The following MYO3B variants were observed in gnomAD, a reference collection of about 807,000 sequenced individuals.
The protein encoded by MYO3B is myosin-IIIb.
In MYO3B, 156 loss-of-function variants were observed where a neutral mutation model predicts 174.6. The observed-to-expected ratio is 0.89, with a 90% CI of 0.78 to 1.02. The LOEUF (loss-of-function observed/expected upper bound fraction) is 1.02, where lower values mean the gene tolerates loss of function less well. MYO3B is among the 50% of genes least tolerant of loss of function. The probability of loss-of-function intolerance (pLI) is 0.00; values close to 1 mark genes in which losing one functional copy is unlikely to be tolerated. For synonymous variants in MYO3B, 563 were observed against 569.1 expected, an observed-to-expected ratio of 0.99 and a Z score of 0.15; for missense variants, 1,632 against 1,639.4, an observed-to-expected ratio of 1.00 and a Z score of 0.08.
At chr2:170,578,731 C>A (rs971423758) in intron 32 of MYO3B, among the ~76,000 whole-genome samples, 2 of 152,224 alleles carry the variant, frequency 1.3e-5, no homozygotes, top group African/African-American at 2.4e-5. Flanking sequence ...GTGAAACTTG[C>A]TTTAACAAGT....
intron 25 of MYO3B, among the ~76,000 whole-genome samples, chr2:170,486,078 G>A (rs868115588): frequency 6.6e-6 from 1 of 152,096 alleles, no homozygotes; most frequent in Non-Finnish European, 1.5e-5. Flanking sequence ...AGCTGCTGAT[G>A]AGGACACTAC....
intron 25 of MYO3B, among the ~76,000 whole-genome samples, chr2:170,477,313 A>C (rs936005412): frequency 6.6e-6 from 1 of 151,938 alleles, no homozygotes; most frequent in African/African-American, 2.4e-5. Flanking sequence ...ACTCTGCCAA[A>C]CTAGTTGTTG....
intron 3 of MYO3B, among the ~76,000 whole-genome samples, chr2:170,209,031 G>GTAGTAA (rs1269083393): frequency 2.0e-5 from 3 of 152,158 alleles, no homozygotes; most frequent in Non-Finnish European, 2.9e-5. Flanking sequence ...CTACAGGTCA[G>GTAGTAA]GAACCCTATA....
At chr2:170,370,220 T>C (rs2094230447) in intron 9 of MYO3B, among the ~76,000 whole-genome samples, 1 of 152,146 alleles carries the variant, frequency 6.6e-6, no homozygotes. Flanking sequence ...TAAAAGAACA[T>C]TGGAAGTACT....
intron 7 of MYO3B, among the ~76,000 whole-genome samples, chr2:170,322,640 A>T (rs76615208): frequency 0.012 from 1,807 of 152,262 alleles, 18 homozygotes; most frequent in Non-Finnish European, 0.02. Context: ...CGATCTCTAT[A>T]AAGCCTTTGT....
chr2:170,298,678 CAA>C (rs71399527), intron 7 of MYO3B, among the ~76,000 whole-genome samples: 18 of 63,330 alleles, frequency 2.8e-4, no homozygotes, highest in Admixed American at 3.3e-4. Context: ...GACTCTGTCT[CAA>C]AAAAAAAAAA....
chr2:170,253,428 A>G (rs2093274381), intron 7 of MYO3B, among the ~76,000 whole-genome samples: 2 of 152,222 alleles, frequency 1.3e-5, no homozygotes, highest in South Asian at 4.1e-4. Context: ...AGCCGAATCA[A>G]GAGTTCCTTT....
intron 32 of MYO3B, among the ~76,000 whole-genome samples, chr2:170,648,355 C>T (rs9646783): frequency 0.11 from 17,170 of 152,016 alleles, 1,081 homozygotes; most frequent in Middle Eastern, 0.21. Flanking sequence ...TGAGGCCAGA[C>T]ATGGTGGCTC....
At chr2:170,302,680 A>G (rs1322253061) in intron 7 of MYO3B, among the ~76,000 whole-genome samples, 1 of 152,224 alleles carries the variant, frequency 6.6e-6, no homozygotes, top group Non-Finnish European at 1.5e-5. Context: ...TCTGGAGGGA[A>G]TGAGGAAAGT....
intron 32 of MYO3B, chr2:170,646,905 T>C: frequency 7.4e-7 from 1 of 1,359,460 alleles, no homozygotes; most frequent in Non-Finnish European, 9.8e-7. Context: ...GTCTCTCGCC[T>C]CAGCCTTTCC....
chr2:170,278,282 A>G (rs1035909079), intron 7 of MYO3B, among the ~76,000 whole-genome samples: 13 of 152,184 alleles, frequency 8.5e-5, no homozygotes, highest in African/African-American at 3.1e-4. Flanking sequence ...GTAGTCTTAT[A>G]TACAGCAAGG....
In MYO3B at chr2:170,185,299, T is replaced by C. The variant is rs1324878594; in HGVS notation, c.2+7010T>C. On this transcript the variant is annotated intron_variant, in intron 1 of 34. Coordinates refer to ENST00000408978, the MANE Select transcript of MYO3B (RefSeq NM_138995.5). ...CCATTGTTTTCTTTGAGTAGTTTCA[T>C]AGTTTGAGGTCTTAGACTTAAGTCT... 2.0e-5 allele frequency among the ~76,000 whole-genome samples: 3 copies of C among 152,292 alleles called. No homozygotes were observed. In the East Asian group the frequency reaches 5.8e-4, roughly 29 times the overall value.
chr2:170,514,577 C>G (rs557784676), intron 28 of MYO3B, among the ~76,000 whole-genome samples: 223 of 152,288 alleles, frequency 1.5e-3, no homozygotes, highest in Middle Eastern at 6.8e-3. Context: ...ACCAAGAATC[C>G]TAGCCTGGTG....
intron 30 of MYO3B, among the ~76,000 whole-genome samples, chr2:170,532,600 G>A (rs192374328): frequency 6.6e-6 from 1 of 151,990 alleles, no homozygotes; most frequent in African/African-American, 2.4e-5. Flanking sequence ...ATCACCTGGG[G>A]TCAGGAGTTC....
chr2:170,533,542 A>G (rs1419986636), intron 30 of MYO3B, among the ~76,000 whole-genome samples: 1 of 152,108 alleles, frequency 6.6e-6, no homozygotes, highest in Non-Finnish European at 1.5e-5. Flanking sequence ...GGCCTAATTC[A>G]GTCTTAAACT....
At chr2:170,227,446 C>T (rs916132638) in intron 6 of MYO3B, among the ~76,000 whole-genome samples, 7 of 136,190 alleles carry the variant, frequency 5.1e-5, no homozygotes, top group Admixed American at 1.5e-4. Context: ...CACCACGCCC[C>T]GCTAATTTTT....
chr2:170,540,668 A>AC (rs1352932500), intron 30 of MYO3B, among the ~76,000 whole-genome samples: 1 of 150,356 alleles, frequency 6.7e-6, no homozygotes, highest in Non-Finnish European at 1.5e-5. Flanking sequence ...AAAACAACAA[A>AC]AAAAACAAAA....
intron 22 of MYO3B, among the ~76,000 whole-genome samples, chr2:170,432,584 T>C (rs2094718576): frequency 6.6e-6 from 1 of 151,324 alleles, no homozygotes; most frequent in Non-Finnish European, 1.5e-5. Context: ...AAGAAATTTT[T>C]TTTTTTTTTT....
intron 25 of MYO3B, among the ~76,000 whole-genome samples, chr2:170,472,673 C>CTATCTATTTATT (rs367755209): frequency 0.021 from 2,978 of 142,314 alleles, 44 homozygotes; most frequent in East Asian, 0.046. Context: ...CACTTTTTAT[C>CTATCTATTTATT]TATTTATTTA....
Sources: allele counts gnomAD v4.1 joint callset (sites outside exome capture counted in the v4.1 genomes callset), GRCh38; gene constraint gnomAD v4.1.1; transcripts MANE v1.5; gene names NCBI Gene and HGNC (gene_info 2026-07-23, HGNC 2026-07-21).